Variants in RBFOX1 observed in about 807,000 individuals in gnomAD.
RBFOX1 encodes RNA binding protein fox-1 homolog 1.
Under a neutral mutation model 57.7 loss-of-function variants are expected in RBFOX1, and 8 were observed. That is an observed-to-expected ratio of 0.14 (90% CI 0.08 to 0.25). RBFOX1 has a LOEUF of 0.25. RBFOX1 is among the 10% of genes least tolerant of loss of function. The pLI, the probability that RBFOX1 is intolerant of heterozygous loss-of-function variation, is 1.00. For synonymous variants in RBFOX1, 326 were observed against 222.4 expected (o/e 1.47, Z -4.15); for missense variants, 611 against 548.5 (o/e 1.11, Z -1.14).
chr16:6,060,134 T>TG, intron 1 of RBFOX1, among the ~76,000 whole-genome samples: 1 of 21,144 alleles, frequency 4.7e-5, no homozygotes. Context: ...TTTTTTTTTT[T>TG]TTTTTTTTTT....
intron 1 of RBFOX1, among the ~76,000 whole-genome samples, chr16:6,146,805 A>G (rs1267747796): frequency 6.6e-6 from 1 of 152,144 alleles, no homozygotes; most frequent in East Asian, 1.9e-4. Context: ...TCGTCTAAGT[A>G]CTGTTTTGAG....
At chr16:6,305,260 A>T (rs2079356504) in intron 1 of RBFOX1, among the ~76,000 whole-genome samples, 1 of 152,206 alleles carries the variant, frequency 6.6e-6, no homozygotes, top group African/African-American at 2.4e-5. Context: ...TCTCAGTGAG[A>T]ACACGTACCA....
chr16:6,873,856 A>G (rs1171177100), intron 3 of RBFOX1: 1 of 152,202 alleles, frequency 6.6e-6, no homozygotes, highest in Non-Finnish European at 1.5e-5. Context: ...AACTTGCATA[A>G]AGTCAGACAG....
At chr16:7,532,131 C>T (rs919526032) in intron 5 of RBFOX1, among the ~76,000 whole-genome samples, 1 of 96,794 alleles carries the variant, frequency 1.0e-5, no homozygotes. Flanking sequence ...AAACTAGCTA[C>T]CTTTTTTTTT....
Position 6,840,887 on chromosome 16 carries a change from CA to C in RBFOX1, c.-16+186254del, listed in dbSNP as rs1165695098. On this transcript the variant is annotated intron_variant, in intron 3 of 15. Coordinates refer to ENST00000550418, the MANE Select transcript of RBFOX1 (RefSeq NM_018723.4). ...GGGCGACGAAAGTGAGACTCTGTCT[CA>C]AAAAAAAAAAAAAAAACGAAAAAAG... Among the ~76,000 whole-genome samples, 409 of 45,762 alleles carry C rather than the reference CA, an allele frequency of 8.9e-3. 2 individuals are homozygous for C. The highest frequency in any genetic ancestry group is 0.023 in the African/African-American group (225 of 9,648). The allele number at this position is 45,762 out of a possible 152,430, so 30.0% of individuals were successfully genotyped here. A position where few individuals can be genotyped will look rare whatever the true frequency, so the allele number is the denominator to read the frequency against.
At chr16:5,937,964 A>T (rs1246786157) in intron 4 of RBFOX1, among the ~76,000 whole-genome samples, 3 of 152,032 alleles carry the variant, frequency 2.0e-5, no homozygotes, top group Admixed American at 2.0e-4. Context: ...CCATAAAGTT[A>T]CTTTGCTTAT....
chr16:7,077,889 C>T (rs1424407594), intron 4 of RBFOX1, among the ~76,000 whole-genome samples: 1 of 152,162 alleles, frequency 6.6e-6, no homozygotes, highest in Non-Finnish European at 1.5e-5. Context: ...TTTTAAGCAA[C>T]TTGAGATTGT....
At chr16:5,772,749 C>G (rs760520456) in intron 3 of RBFOX1, among the ~76,000 whole-genome samples, 2 of 152,154 alleles carry the variant, frequency 1.3e-5, no homozygotes, top group African/African-American at 4.8e-5. Flanking sequence ...TATCTCTGTC[C>G]TTGTGGAGCT....
At chr16:7,209,122 C>T (rs1251724439) in intron 4 of RBFOX1, among the ~76,000 whole-genome samples, 2 of 149,828 alleles carry the variant, frequency 1.3e-5, no homozygotes, top group South Asian at 2.1e-4. Flanking sequence ...TGGTGAAACT[C>T]TGTCTCTACC....
intron 1 of RBFOX1, among the ~76,000 whole-genome samples, chr16:6,077,839 T>C (rs7201831): frequency 0.68 from 102,912 of 151,780 alleles, 35,472 homozygotes; most frequent in Non-Finnish European, 0.76. Context: ...CCTCTGCCTC[T>C]TAGAGCTTTT....
intron 2 of RBFOX1, among the ~76,000 whole-genome samples, chr16:6,352,772 A>C (rs1469404030): frequency 6.6e-6 from 1 of 152,258 alleles, no homozygotes; most frequent in African/African-American, 2.4e-5. Context: ...GCTGCAAGTT[A>C]CTGCGACGCT....
intron 2 of RBFOX1, among the ~76,000 whole-genome samples, chr16:6,641,321 G>A (rs915965009): frequency 6.6e-6 from 1 of 152,080 alleles, no homozygotes; most frequent in South Asian, 2.1e-4. Context: ...CAACCAAGGC[G>A]TTCACCTTCA....
intron 2 of RBFOX1, among the ~76,000 whole-genome samples, chr16:6,647,546 C>A (rs1212833190): frequency 3.3e-5 from 5 of 152,158 alleles, no homozygotes; most frequent in African/African-American, 1.2e-4. Flanking sequence ...CCACACCCAG[C>A]CAAGGGCAGT....
At chr16:7,254,494 C>G (rs1327535328) in intron 4 of RBFOX1, among the ~76,000 whole-genome samples, 1 of 106,564 alleles carries the variant, frequency 9.4e-6, no homozygotes, top group Non-Finnish European at 2.1e-5. Context: ...GTCTCTCTCT[C>G]TCTCTTTTTT....
intron 2 of RBFOX1, among the ~76,000 whole-genome samples, chr16:6,407,870 C>T (rs530781774): frequency 6.6e-6 from 1 of 152,266 alleles, no homozygotes; most frequent in East Asian, 1.9e-4. Flanking sequence ...AGTAGATCCC[C>T]ACTATGTTCT....
chr16:6,382,065 T>TTGA (rs1416846328), intron 2 of RBFOX1, among the ~76,000 whole-genome samples: 1 of 152,236 alleles, frequency 6.6e-6, no homozygotes, highest in East Asian at 1.9e-4. Flanking sequence ...GAAAGCTGCC[T>TTGA]TGATGATATG....
chr16:7,641,737 G>C (rs527748729), intron 11 of RBFOX1, among the ~76,000 whole-genome samples: 2 of 152,290 alleles, frequency 1.3e-5, no homozygotes, highest in South Asian at 2.1e-4. Context: ...AGTGAAAAGA[G>C]CTGGATTCAG....
intron 1 of RBFOX1, among the ~76,000 whole-genome samples, chr16:5,261,755 T>A (rs56331189): frequency 0.44 from 66,861 of 151,916 alleles, 15,680 homozygotes; most frequent in East Asian, 0.68. Flanking sequence ...TTTCACCGTG[T>A]TAGCCAGGAT....
chr16:6,716,615 G>A (rs2064875535), intron 3 of RBFOX1, among the ~76,000 whole-genome samples: 2 of 152,194 alleles, frequency 1.3e-5, no homozygotes. Context: ...CCTTCTTACA[G>A]ACAGGACTAA....
Sources: gnomAD v4.1 joint callset for allele counts (sites outside exome capture counted in the v4.1 genomes callset) on GRCh38, gnomAD v4.1.1 for gene constraint, MANE v1.5 for transcripts, NCBI Gene and HGNC (gene_info 2026-07-23, HGNC 2026-07-21) for gene names.